CILP2: variants seen among roughly 807,000 people sequenced by gnomAD.
CILP2 encodes the protein CILP-2.
CILP2 carries 38 observed loss-of-function variants against 45.6 expected under a neutral mutation model. That is an observed-to-expected ratio of 0.83 (90% CI 0.64 to 1.09). CILP2 has a LOEUF of 1.09. CILP2 is among the 50% of genes least tolerant of loss of function. CILP2 has a pLI of 0.00. For synonymous variants in CILP2, 780 were observed against 723.5 expected (o/e 1.08, Z -1.25); for missense variants, 1,735 against 1,662.2 (o/e 1.04, Z -0.76).
At position 19,544,963 on chromosome 19, in the gene CILP2, C is replaced by T. The variant is rs201903039; in HGVS notation, c.2418C>T (p.Thr806=). Residue 806 remains threonine (T), a synonymous_variant, in exon 8 of 8, where the codon ACC becomes ACT. Coordinates refer to ENST00000291495, the MANE Select transcript of CILP2 (RefSeq NM_153221.2). ...FCDADRPDAY[T]ALVTATLGGE... ...ACGCCGACAGGCCAGACGCCTACACCGCCCTGGTCACCGCCACCCTGGGCG... is the reference window on the plus strand; with the variant it reads ...ACGCCGACAGGCCAGACGCCTACACTGCCCTGGTCACCGCCACCCTGGGCG... 9.5e-5 allele frequency: 152 copies of T among 1,597,068 alleles called. 2 individuals carry two copies. In the East Asian group the frequency reaches 3.3e-3, roughly 35 times the overall value.
In CILP2 at chr19:19,544,005, C is replaced by G. The variant is rs374178882; in HGVS notation, c.1460C>G (p.Pro487Arg). 6.2e-7 allele frequency: 1 copy of G among 1,613,650 alleles called. No homozygotes were observed. The highest frequency in any genetic ancestry group is 1.1e-5 in the South Asian group (1 of 91,074). ...GRVVAADSGE[P>R]LRFARILLGQ... ...GTTGTGGCTGCTGACTCCGGGGAGC[C>G]GCTACGCTTCGCCAGGATTCTGCTG... Residue 487 changes from proline to arginine, a missense_variant, in exon 8 of 8, where the codon CCG becomes CGG. Physicochemically the swap from Pro to Arg is moderately radical, Grantham distance 103 (BLOSUM62 -2). Coordinates refer to ENST00000291495, the MANE Select transcript of CILP2 (RefSeq NM_153221.2).
Position 19,544,328 on chromosome 19 carries a change from G to C in CILP2, c.1783G>C (p.Asp595His), listed in dbSNP as rs147931006. ...VLPSGAFRRADGKPYSGPVEA... is the reference protein window; with the variant it reads ...VLPSGAFRRAHGKPYSGPVEA... ...GCCTTCTGGCGCTTTCCGCAGAGCC[G>C]ACGGCAAACCCTACTCGGGGCCTGT... The change falls in exon 8 of 8, where the codon GAC (aspartate) becomes CAC (histidine). Residue 595 changes from aspartate (D) to histidine (H), a missense_variant. Asp to His is a moderately conservative substitution (Grantham distance 81). Coordinates refer to ENST00000291495, the MANE Select transcript of CILP2 (RefSeq NM_153221.2). The C allele has an allele frequency of 1.1e-5, 17 of 1,612,118 alleles. No homozygotes were observed. Among genetic ancestry groups the C allele is most frequent in the Admixed American group, 3.3e-5 (2 of 59,992 alleles).
At chr19:19,539,318 C>T (rs915119740) in intron 1 of CILP2, among the ~76,000 whole-genome samples, 7 of 152,096 alleles carry the variant, frequency 4.6e-5, no homozygotes, top group African/African-American at 7.2e-5. Flanking sequence ...AATCCCAGCA[C>T]TTTGGGAGGC....
In CILP2 at chr19:19,540,411, TCAACCGCGAG is replaced by T; in HGVS notation, c.380_389del (p.Glu127ValfsTer16). On this transcript the variant is annotated frameshift_variant, in exon 3 of 8. Transcript: ENST00000291495. LOFTEE classifies it high-confidence loss of function. ...AACCCCACGCGCGGCTTCTGGTGCCTCAACCGCGAGCAACCGCGTGGCCGCCGCTGCTCCA... is the reference window on the plus strand; with the variant it reads ...AACCCCACGCGCGGCTTCTGGTGCCTCAACCGCGTGGCCGCCGCTGCTCCA... 1 of 1,503,994 alleles carries T rather than the reference TCAACCGCGAG, an allele frequency of 6.6e-7. No homozygotes were observed. The highest frequency in any genetic ancestry group is 1.2e-5 in the South Asian group (1 of 80,100). 93.2% of individuals were successfully genotyped at this position (1,503,994 alleles called of 1,614,324 possible). A position where few individuals can be genotyped will look rare whatever the true frequency, so the allele number is the denominator to read the frequency against.
rs748108512 is a variant in CILP2 at position 19,545,934 on chromosome 19, G to T, written c.3389G>T (p.Arg1130Leu). 5 of 1,574,194 alleles carry T rather than the reference G, an allele frequency of 3.2e-6. No homozygotes were observed. The highest frequency in any genetic ancestry group is 1.8e-5 in the Admixed American group (1 of 55,718). The stretch of plus-strand genomic sequence containing the variant: ...CCGGCGACAGCACTTGGTGACATCC[G>T]CAGGGAGATGAGCGAGGCGGCGCAG... ...ESPATALGDI[R>L]REMSEAAQAQ... The change falls in exon 8 of 8, where the codon CGC becomes CTC. Residue 1130 changes from arginine to leucine, a missense_variant. Coordinates refer to ENST00000291495, the MANE Select transcript of CILP2 (RefSeq NM_153221.2).
Position 19,544,236 on chromosome 19 carries a change from C to A in CILP2, c.1691C>A (p.Thr564Asn). 6.2e-7 allele frequency: 1 copy of A among 1,613,940 alleles called. No homozygotes were observed. The highest frequency in any genetic ancestry group is 8.5e-7 in the Non-Finnish European group (1 of 1,180,012). Residue 564 changes from threonine (T) to asparagine (N), a missense_variant, in exon 8 of 8, where the codon ACC becomes AAC. Coordinates refer to ENST00000291495, the MANE Select transcript of CILP2 (RefSeq NM_153221.2). ...AAGAAAGCCCCGGTCATTTTACATA[C>A]CAGCCAGAGCAACACGATCCCCCTG... is the stretch of plus-strand genomic sequence containing the variant. ...MRKKAPVILHTSQSNTIPLGE... is the reference protein window; with the variant it reads ...MRKKAPVILHNSQSNTIPLGE...
chr19:19,543,940 C>T lies in CILP2; in HGVS notation c.1395C>T (p.Cys465=), dbSNP rs1388743766. ...LPVKVVAECG[C]QKCLPPRGLV... ...TGAAGGTGGTGGCAGAGTGTGGCTGCCAGAAGTGTCTGCCCCCTCGGGGGC... is the reference window on the plus strand; with the variant it reads ...TGAAGGTGGTGGCAGAGTGTGGCTGTCAGAAGTGTCTGCCCCCTCGGGGGC... The change falls in exon 8 of 8, where the codon TGC becomes TGT. Residue 465 remains cysteine, a synonymous_variant. Transcript: ENST00000291495. 1 of 1,613,316 alleles carries T rather than the reference C, an allele frequency of 6.2e-7. No homozygotes were observed.
At chr19:19,542,791 G>A in intron 5 of CILP2, 73 bp from the exon 6 acceptor site, 2 of 1,553,284 alleles carry the variant, frequency 1.3e-6, no homozygotes, top group South Asian at 1.1e-5. Context: ...CTGGGAGAAA[G>A]GAGAGGATGG....
intron 3 of CILP2, chr19:19,540,865 C>A (rs2061240929): frequency 2.4e-6 from 1 of 419,160 alleles, no homozygotes; most frequent in Non-Finnish European, 4.1e-6. Context: ...ATCCCCGGGA[C>A]CTTATGCGGG....
At chr19:19,540,110 G>A (rs367559795) in intron 2 of CILP2, 94 bp from the exon 3 acceptor site, 3 of 1,393,572 alleles carry the variant, frequency 2.2e-6, no homozygotes, top group South Asian at 1.5e-5. Context: ...GTGCCCACCG[G>A]GGGAGGGGGC....
Position 19,538,332 on chromosome 19 carries a change from G to C in CILP2, c.-18G>C. On this transcript the variant is annotated 5_prime_UTR_variant, in exon 1 of 8. Transcript: ENST00000291495. ...CGCCGCGGAGCCCGGACCCTCCCTC[G>C]GACGCTCTGCCCCGGCCATGGCGTC... is the stretch of plus-strand genomic sequence containing the variant. 1 of 1,574,232 alleles carries C rather than the reference G, an allele frequency of 6.4e-7. No individual in the cohort carries two copies. Among genetic ancestry groups the C allele is most frequent in the South Asian group, 1.1e-5 (1 of 88,352 alleles).
chr19:19,538,515 C>A, intron 1 of CILP2, 102 bp downstream of exon 1: 2 of 939,932 alleles, frequency 2.1e-6, no homozygotes, highest in Non-Finnish European at 3.0e-6. Context: ...CAGGGACCCA[C>A]GCGCTTCCCC....
chr19:19,539,833 C>T, intron 2 of CILP2, 56 bp downstream of exon 2: 2 of 1,396,556 alleles, frequency 1.4e-6, no homozygotes, highest in Non-Finnish European at 9.7e-7. Context: ...GGGGGTGGGG[C>T]TTGGGCTACT....
At position 19,544,953 on chromosome 19, in the gene CILP2, A is replaced by T; in HGVS notation, c.2408A>T (p.Asp803Val). 6.3e-7 allele frequency: 1 copy of T among 1,596,256 alleles called. No individual in the cohort carries two copies. ...GCCTTCTGCGACGCCGACAGGCCAG[A>T]CGCCTACACCGCCCTGGTCACCGCC... The part of the protein sequence containing the change: ...LPAFCDADRP[D>V]AYTALVTATL... Residue 803 changes from aspartate to valine, a missense_variant, in exon 8 of 8, where the codon GAC becomes GTC. Transcript: ENST00000291495.
In CILP2 at chr19:19,544,218, C is replaced by A. The variant is rs2061254760; in HGVS notation, c.1673C>A (p.Ala558Asp). 6.2e-7 allele frequency: 1 copy of A among 1,613,916 alleles called. No individual in the cohort carries two copies. The highest frequency in any genetic ancestry group is 8.5e-7 in the Non-Finnish European group (1 of 1,179,984). The change falls in exon 8 of 8, where the codon GCC becomes GAC. Residue 558 changes from alanine to aspartate, a missense_variant. Ala to Asp is a moderately radical substitution (Grantham distance 126). Coordinates refer to ENST00000291495, the MANE Select transcript of CILP2 (RefSeq NM_153221.2). ...GAGGTCAAGGCCATGCGGAAGAAAG[C>A]CCCGGTCATTTTACATACCAGCCAG... The part of the protein sequence containing the change: ...YHEVKAMRKK[A>D]PVILHTSQSN...
rs900801941 is a variant in CILP2 at position 19,544,497 on chromosome 19, G to A, written c.1952G>A (p.Gly651Asp). ...GMFSVDLRAPGSAEQLQVGPV... is the reference protein window; with the variant it reads ...GMFSVDLRAPDSAEQLQVGPV... ...TTCTCCGTGGACCTCCGTGCGCCCG[G>A]CTCCGCGGAGCAGCTGCAGGTGGGG... The change falls in exon 8 of 8, where the codon GGC becomes GAC. Residue 651 changes from glycine to aspartate, a missense_variant. By Grantham distance (94) the Gly-to-Asp change is moderately conservative. Coordinates refer to ENST00000291495, the MANE Select transcript of CILP2 (RefSeq NM_153221.2). The A allele has an allele frequency of 1.9e-6, 3 of 1,602,490 alleles. No homozygotes were observed. The highest frequency in any genetic ancestry group is 1.7e-4 in the Middle Eastern group (1 of 6,042).
rs577556072 is a variant in CILP2 at position 19,545,969 on chromosome 19, C to T, written c.3424C>T (p.Arg1142Trp). The change falls in exon 8 of 8, where the codon CGG becomes TGG. Residue 1142 changes from arginine to tryptophan, a missense_variant. Transcript: ENST00000291495. ...GAGCGAGGCGGCGCAGGCACAGGCC[C>T]GGGCCTCAGGTCCCCTCCGCACCCG... ...EMSEAAQAQA[R>W]ASGPLRTRRG... is the part of the protein sequence containing the mutation. 5.7e-5 allele frequency: 88 copies of T among 1,537,048 alleles called. 1 individual carries two copies. The East Asian group carries it at 1.1e-3, about 18-fold the overall frequency.
In CILP2 at chr19:19,544,622, G is replaced by A. The variant is rs1767580144; in HGVS notation, c.2077G>A (p.Glu693Lys). The stretch of plus-strand genomic sequence containing the variant: ...GAACCCCGAGACCGGCTTGTGGGAG[G>A]AGGAGAGCGGCTTCCGGCGCGAGGG... The part of the protein sequence containing the change: ...SLNPETGLWE[E>K]ESGFRREGSS... The change falls in exon 8 of 8, where the codon GAG becomes AAG. Residue 693 changes from glutamate to lysine, a missense_variant. Physicochemically the swap from Glu to Lys is moderately conservative, Grantham distance 56. Transcript: ENST00000291495. The A allele has an allele frequency of 6.4e-7, 1 of 1,569,516 alleles. No individual in the cohort carries two copies. Among genetic ancestry groups the A allele is most frequent in the African/African-American group, 1.3e-5 (1 of 74,242 alleles).
rs758477493 is a variant in CILP2 at position 19,544,536 on chromosome 19, G to A, written c.1991G>A (p.Arg664Gln). 6.9e-6 allele frequency: 11 copies of A among 1,586,436 alleles called. No individual in the cohort carries two copies. In the East Asian group the frequency reaches 2.5e-4, roughly 36 times the overall value. ...EQLQVGPVAV[R>Q]VAASQIHMPG... ...CTGCAGGTGGGGCCGGTGGCCGTGC[G>A]GGTGGCCGCCAGCCAGATCCACATG... Residue 664 changes from arginine to glutamine, a missense_variant, in exon 8 of 8, where the codon CGG becomes CAG. Coordinates refer to ENST00000291495, the MANE Select transcript of CILP2 (RefSeq NM_153221.2).
Sources: gnomAD v4.1 joint callset for allele counts (sites outside exome capture counted in the v4.1 genomes callset) on GRCh38, gnomAD v4.1.1 for gene constraint, MANE v1.5 for transcripts, NCBI Gene and HGNC (gene_info 2026-07-23, HGNC 2026-07-21) for gene names.